The following FER variants were observed in gnomAD, a reference collection of about 807,000 sequenced individuals.
The protein encoded by FER is tyrosine-protein kinase Fer.
FER carries 63 observed loss-of-function variants against 111.0 expected under a neutral mutation model. That is an observed-to-expected ratio of 0.57 (90% CI 0.46 to 0.70). The LOEUF is 0.70. Among genes scored for constraint, FER ranks in the 30% least tolerant of loss-of-function variants. FER has a pLI of 0.00. For synonymous variants in FER, 327 were observed against 313.9 expected (o/e 1.04, Z -0.44); for missense variants, 914 against 954.0 (o/e 0.96, Z 0.55).
chr5:108,918,260 T>G (rs1473794806), intron 10 of FER, among the ~76,000 whole-genome samples: 1 of 152,154 alleles, frequency 6.6e-6, no homozygotes, highest in African/African-American at 2.4e-5. Context: ...GAGGCTTTCA[T>G]TCTGACGTTC....
At chr5:108,786,615 C>T (rs1476903104) in intron 2 of FER, among the ~76,000 whole-genome samples, 1 of 152,184 alleles carries the variant, frequency 6.6e-6, no homozygotes, top group Non-Finnish European at 1.5e-5. Flanking sequence ...ATTCTCCTGT[C>T]TCAGCCTACC....
chr5:109,006,986 A>G (rs1314031004), intron 13 of FER, among the ~76,000 whole-genome samples: 2 of 152,186 alleles, frequency 1.3e-5, no homozygotes, highest in Admixed American at 6.5e-5. Context: ...TAAGATTAAC[A>G]TGCTATGGGA....
Position 108,946,212 on chromosome 5 carries a change from G to A in FER, c.1319G>A (p.Gly440Asp). 1.2e-6 allele frequency: 2 copies of A among 1,610,504 alleles called. No individual in the cohort carries two copies. Among genetic ancestry groups the A allele is most frequent in the Middle Eastern group, 1.7e-4 (1 of 6,054 alleles). ...GIIRSPKSAL[G>D]SSALSDMISI... ...ATTAGGTCTCCAAAATCTGCACTGG[G>A]CTCTTCAGCAGTAAGTAGGATTAAC... is the stretch of plus-strand genomic sequence containing the variant. Residue 440 changes from glycine to aspartate, a missense_variant, in exon 11 of 20, where the codon GGC (glycine) becomes GAC (aspartate). Transcript: ENST00000281092.
intron 3 of FER, among the ~76,000 whole-genome samples, chr5:108,799,734 G>T (rs1237666575): frequency 6.6e-6 from 1 of 151,922 alleles, no homozygotes; most frequent in Admixed American, 6.6e-5. Context: ...AAGTATTTTT[G>T]GTATTTTAAA....
intron 11 of FER, among the ~76,000 whole-genome samples, chr5:108,947,871 T>TTTTA (rs1439021443): frequency 7.3e-4 from 111 of 151,750 alleles, no homozygotes; most frequent in African/African-American, 2.2e-3. Flanking sequence ...AGGTTCAAAT[T>TTTTA]TTTATTTATT....
intron 1 of FER, among the ~76,000 whole-genome samples, chr5:108,761,439 A>G (rs1751738040): frequency 6.6e-6 from 1 of 152,172 alleles, no homozygotes; most frequent in African/African-American, 2.4e-5. Flanking sequence ...AGCAGTCAAA[A>G]CACACATAAC....
At chr5:109,058,724 CTTTTTTTTTT>C (rs746184286) in intron 16 of FER, among the ~76,000 whole-genome samples, 3 of 76,276 alleles carry the variant, frequency 3.9e-5, no homozygotes, top group Non-Finnish European at 2.4e-5. Context: ...TTCTTTCTTT[CTTTTTTTTTT>C]TTTTTTTTTT....
At chr5:108,929,794 A>G (rs1337530879) in intron 10 of FER, among the ~76,000 whole-genome samples, 1 of 152,194 alleles carries the variant, frequency 6.6e-6, no homozygotes, top group South Asian at 2.1e-4. Context: ...AACGTACAAA[A>G]TACAGATAGA....
chr5:108,932,694 T>C lies in FER; in HGVS notation c.1237-13436T>C, dbSNP rs532539496. On this transcript the variant is annotated intron_variant, in intron 10 of 19. Coordinates refer to ENST00000281092, the MANE Select transcript of FER (RefSeq NM_005246.4). Reference sequence around the variant, plus strand: ...ATCCTCTCCAGCATCTGTTGTTTCCTGACTTTTTAATGATTACCATTCTAG... The same window carrying C: ...ATCCTCTCCAGCATCTGTTGTTTCCCGACTTTTTAATGATTACCATTCTAG... Among the ~76,000 whole-genome samples the C allele has an allele frequency of 1.1e-4, 16 of 152,334 alleles. No homozygotes were observed. In the South Asian group the frequency reaches 3.1e-3, roughly 30 times the overall value.
intron 17 of FER, among the ~76,000 whole-genome samples, chr5:109,167,097 T>C (rs982418442): frequency 3.9e-5 from 6 of 152,176 alleles, no homozygotes; most frequent in African/African-American, 1.4e-4. Flanking sequence ...TCTCTTCTTA[T>C]AGAATTGAAC....
chr5:108,879,957 G>A (rs958336138), intron 8 of FER, among the ~76,000 whole-genome samples: 3 of 151,420 alleles, frequency 2.0e-5, no homozygotes, highest in East Asian at 1.9e-4. Flanking sequence ...TGATCCACCC[G>A]CCCTCAACCT....
intron 13 of FER, among the ~76,000 whole-genome samples, chr5:109,004,953 A>T (rs1009423743): frequency 3.3e-5 from 5 of 152,122 alleles, no homozygotes; most frequent in African/African-American, 1.2e-4. Context: ...AATAAAAAGA[A>T]CTACTGATAA....
intron 1 of FER, among the ~76,000 whole-genome samples, chr5:108,764,499 G>C (rs1377598814): frequency 6.6e-6 from 1 of 152,128 alleles, no homozygotes; most frequent in Admixed American, 6.6e-5. Context: ...CCGTGTTCAA[G>C]CGATTCTCCT....
chr5:108,754,451 T>G (rs1212190311), intron 1 of FER, among the ~76,000 whole-genome samples: 4 of 149,980 alleles, frequency 2.7e-5, no homozygotes, highest in Non-Finnish European at 5.9e-5. Context: ...GTATTGTTAG[T>G]AACAAGTACT....
chr5:108,845,029 T>C (rs1328121593), intron 5 of FER, among the ~76,000 whole-genome samples: 30 of 56,470 alleles, frequency 5.3e-4, no homozygotes, highest in African/African-American at 1.4e-3. Context: ...TATATATATA[T>C]ATATATATAT....
intron 17 of FER, among the ~76,000 whole-genome samples, chr5:109,147,029 C>T (rs1236507001): frequency 6.6e-6 from 1 of 151,658 alleles, no homozygotes; most frequent in Admixed American, 6.6e-5. Context: ...TGATAAGTGA[C>T]CACTTCCATT....
chr5:109,182,408 T>C (rs1014240404), intron 18 of FER, among the ~76,000 whole-genome samples: 2 of 152,198 alleles, frequency 1.3e-5, no homozygotes, highest in African/African-American at 4.8e-5. Flanking sequence ...CCTTAGAATC[T>C]AGAAAAAATG....
intron 2 of FER, among the ~76,000 whole-genome samples, chr5:108,774,217 G>A (rs189627214): frequency 2.0e-5 from 3 of 152,136 alleles, no homozygotes; most frequent in Admixed American, 2.0e-4. Flanking sequence ...CCATGTCCCT[G>A]TAAAAGATAT....
chr5:108,958,236 G>A (rs1482129007), intron 12 of FER, among the ~76,000 whole-genome samples: 1 of 116,434 alleles, frequency 8.6e-6, no homozygotes, highest in Non-Finnish European at 2.0e-5. Context: ...CTTTCAGCTG[G>A]GAAAGTAATC....
Sources: gnomAD v4.1 joint callset for allele counts (sites outside exome capture counted in the v4.1 genomes callset) on GRCh38, gnomAD v4.1.1 for gene constraint, MANE v1.5 for transcripts, NCBI Gene and HGNC (gene_info 2026-07-23, HGNC 2026-07-21) for gene names.